CEP20: variants seen among roughly 807,000 people sequenced by gnomAD.
CEP20 encodes FGFR1OP N-terminal like.
CEP20 carries 18 observed loss-of-function variants against 20.0 expected under a neutral mutation model. The ratio of observed to expected loss-of-function variants is 0.90; its 90% CI spans 0.62 to 1.34. The LOEUF (loss-of-function observed/expected upper bound fraction) is 1.34, where lower values mean the gene tolerates loss of function less well. Ranked by LOEUF, CEP20 falls within the 40% of genes most tolerant of loss-of-function variation. CEP20 has a pLI of 0.00. For missense variants in CEP20, 215 were observed against 201.6 expected (o/e 1.07, Z -0.40); for synonymous variants, 77 against 73.7 (o/e 1.04, Z -0.23).
intron 4 of CEP20, among the ~76,000 whole-genome samples, chr16:15,872,000 C>A (rs1461191959): frequency 6.6e-6 from 1 of 152,174 alleles, no homozygotes; most frequent in East Asian, 1.9e-4. Flanking sequence ...CTAAACCCCA[C>A]CTTTAACTGT....
chr16:15,888,150 GC>G (rs1264218097), intron 1 of CEP20, among the ~76,000 whole-genome samples: 2 of 151,226 alleles, frequency 1.3e-5, no homozygotes, highest in African/African-American at 2.4e-5. Flanking sequence ...AGACAACCAA[GC>G]AAATTGTTTA....
In CEP20 at chr16:15,866,325, C is replaced by G. The variant is rs1232156920; in HGVS notation, c.*1115G>C. On this transcript the variant is annotated 3_prime_UTR_variant, in exon 5 of 5. Transcript: ENST00000255759. ...GCTAACTACAGCTCTTACCACTCTTCTCCATGGAAAACCTTTAAGCTAAAT... is the reference window on the plus strand; with the variant it reads ...GCTAACTACAGCTCTTACCACTCTTGTCCATGGAAAACCTTTAAGCTAAAT... 6.6e-6 allele frequency: 1 copy of G among 152,196 alleles called. No individual in the cohort carries two copies. The highest frequency in any genetic ancestry group is 1.5e-5 in the Non-Finnish European group (1 of 68,030). The allele number at this position is 152,196 out of a possible 1,614,324, so 9.4% of individuals were successfully genotyped here.
chr16:15,871,364 GAGA>G (rs72233215), intron 4 of CEP20, among the ~76,000 whole-genome samples: 16,419 of 152,000 alleles, frequency 0.11, 938 homozygotes, highest in Middle Eastern at 0.17. Context: ...TATAAAAAGG[GAGA>G]AGAATTGAGG....
intron 4 of CEP20, among the ~76,000 whole-genome samples, chr16:15,872,110 C>T (rs1270672949): frequency 6.6e-6 from 1 of 152,036 alleles, no homozygotes; most frequent in East Asian, 1.9e-4. Context: ...GTCAGGAGAT[C>T]AAGACCATCC....
In CEP20 at chr16:15,873,372, T is replaced by A. The variant is rs1478290763; in HGVS notation, c.448+119A>T. On this transcript the variant is annotated intron_variant, in intron 4 of 4. Transcript: ENST00000255759. ...CTTGGAGTAACATAGGCTAGACATA[T>A]TAGATATAAGCAGAATTAAACTATG... 8 of 1,216,766 alleles carry A rather than the reference T, an allele frequency of 6.6e-6. No homozygotes were observed. In the Admixed American group the frequency reaches 1.6e-4, roughly 25 times the overall value. 75.4% of individuals were successfully genotyped at this position (1,216,766 alleles called of 1,614,324 possible).
chr16:15,868,237 G>A (rs910206550), intron 4 of CEP20, among the ~76,000 whole-genome samples: 1 of 151,658 alleles, frequency 6.6e-6, no homozygotes, highest in African/African-American at 2.4e-5. Flanking sequence ...CCTGAGGTCA[G>A]GAGATAGAGA....
chr16:15,873,895 A>G (rs562313970), intron 3 of CEP20, among the ~76,000 whole-genome samples: 2 of 147,562 alleles, frequency 1.4e-5, no homozygotes, highest in Admixed American at 6.7e-5. Flanking sequence ...TATCATTTCT[A>G]TCAATCCACA....
Position 15,888,571 on chromosome 16 carries a change from T to C in CEP20, c.15A>G (p.Ala5=), listed in dbSNP as rs373761532. 51 of 1,614,048 alleles carry C rather than the reference T, an allele frequency of 3.2e-5. No homozygotes were observed. The African/African-American group carries it at 4.8e-4, about 15-fold the overall frequency. Residue 5 remains alanine, a synonymous_variant, in exon 1 of 5, where the codon GCA becomes GCG. Coordinates refer to ENST00000255759, the MANE Select transcript of CEP20 (RefSeq NM_144600.4). Reference sequence around the variant, plus strand: ...GCTCGCACTCACCAGCCTTCAACTCTGCCACAGTCGCCATTTTTCAACGGC... The same window carrying C: ...GCTCGCACTCACCAGCCTTCAACTCCGCCACAGTCGCCATTTTTCAACGGC... MATV[A]ELKAVLKDTL... is the part of the protein sequence containing the mutation.
At position 15,867,477 on chromosome 16, in the gene CEP20, A is replaced by G. The variant is rs1052049649; in HGVS notation, c.488T>C (p.Ile163Thr). 2 of 1,605,248 alleles carry G rather than the reference A, an allele frequency of 1.2e-6. No homozygotes were observed. The highest frequency in any genetic ancestry group is 1.1e-5 in the South Asian group (1 of 89,890). ...LRKEEQKSTN[I>T]EDLHVSQAVN... ...TGCCTGAGAAACATGAAGATCTTCA[A>G]TGTTAGTACTTTTCTGTTCCTCCTT... The change falls in exon 5 of 5, where the codon ATT (isoleucine) becomes ACT (threonine). Residue 163 changes from isoleucine (I) to threonine (T), a missense_variant. Ile to Thr is a moderately conservative substitution (Grantham distance 89). Transcript: ENST00000255759.
intron 3 of CEP20, among the ~76,000 whole-genome samples, 161 bp downstream of exon 3, chr16:15,879,643 G>C (rs2045050277): frequency 6.6e-6 from 1 of 152,116 alleles, no homozygotes. Context: ...AGCAAACACA[G>C]ATCTCATCTG....
In CEP20 at chr16:15,867,152, G is replaced by C. The variant is rs2044699804; in HGVS notation, c.*288C>G. 4.7e-6 allele frequency: 1 copy of C among 212,458 alleles called. No homozygotes were observed. The highest frequency in any genetic ancestry group is 2.3e-5 in the African/African-American group (1 of 43,440). 13.2% of individuals were successfully genotyped at this position (212,458 alleles called of 1,614,324 possible). A position where few individuals can be genotyped will look rare whatever the true frequency, so the allele number is the denominator to read the frequency against. On this transcript the variant is annotated 3_prime_UTR_variant, in exon 5 of 5. Transcript: ENST00000255759. ...GAATCCGGGAGGCAGAGATTGCAGT[G>C]AGCCGAGATCGTGCCACTGCACTCC...
At chr16:15,868,251 T>C (rs1045122345) in intron 4 of CEP20, among the ~76,000 whole-genome samples, 4 of 151,496 alleles carry the variant, frequency 2.6e-5, no homozygotes, top group Admixed American at 2.0e-4. Flanking sequence ...ATAGAGACCC[T>C]GTCTCTACTA....
intron 1 of CEP20, among the ~76,000 whole-genome samples, chr16:15,887,707 A>AAT (rs1346009145): frequency 6.6e-6 from 1 of 152,192 alleles, no homozygotes; most frequent in East Asian, 1.9e-4. Context: ...ACAGCGTACA[A>AAT]ATGTCATTAA....
intron 1 of CEP20, among the ~76,000 whole-genome samples, chr16:15,884,500 TTTTA>T (rs5815848): frequency 6.6e-6 from 1 of 151,762 alleles, no homozygotes. Flanking sequence ...TTCTTTTTTA[TTTTA>T]TTTATTATTT....
intron 1 of CEP20, 138 bp from the exon 2 acceptor site, chr16:15,884,343 AT>A (rs2045189093): frequency 1.4e-6 from 1 of 697,090 alleles, no homozygotes; most frequent in Non-Finnish European, 2.3e-6. Flanking sequence ...ATTGTGACAA[AT>A]TATTAAACAA....
rs756421324 is a variant in CEP20, at chr16:15,873,515, G to T, written c.424C>A (p.Gln142Lys). 8.7e-6 allele frequency: 14 copies of T among 1,613,782 alleles called. No individual in the cohort carries two copies. The highest frequency in any genetic ancestry group is 6.8e-6 in the Non-Finnish European group (8 of 1,179,890). Residue 142 changes from glutamine (Q) to lysine (K), a missense_variant, in exon 4 of 5, where the codon CAA becomes AAA. By Grantham distance (53) the Gln-to-Lys change is moderately conservative. Transcript: ENST00000255759. Reference sequence around the variant, plus strand: ...CCCATTGGCTTTCTTCTACTAGGTTGTCTGCCAAGACTTGGGTCTGAAGGC... The same window carrying T: ...CCCATTGGCTTTCTTCTACTAGGTTTTCTGCCAAGACTTGGGTCTGAAGGC... ...LQPSDPSLGRQPSRRKPMDDH... is the reference protein window; with the variant it reads ...LQPSDPSLGRKPSRRKPMDDH...
intron 4 of CEP20, among the ~76,000 whole-genome samples, chr16:15,868,962 G>A (rs1398447829): frequency 6.6e-6 from 1 of 151,986 alleles, no homozygotes; most frequent in Non-Finnish European, 1.5e-5. Flanking sequence ...CAGCTACTTG[G>A]GAGGCTGAGG....
chr16:15,877,455 T>A (rs1049392389), intron 3 of CEP20, among the ~76,000 whole-genome samples: 1 of 152,232 alleles, frequency 6.6e-6, no homozygotes, highest in African/African-American at 2.4e-5. Context: ...TTCTCAATTA[T>A]ACAATTTTTA....
chr16:15,867,791 G>A (rs1255376974), intron 4 of CEP20, among the ~76,000 whole-genome samples: 1 of 152,024 alleles, frequency 6.6e-6, no homozygotes, highest in Admixed American at 6.6e-5. Context: ...TGGCCAACAT[G>A]GTGAAACCCC....
Sources: gnomAD v4.1 joint callset for allele counts (sites outside exome capture counted in the v4.1 genomes callset) on GRCh38, gnomAD v4.1.1 for gene constraint, MANE v1.5 for transcripts, NCBI Gene and HGNC (gene_info 2026-07-23, HGNC 2026-07-21) for gene names.